Variants in PPM1E observed in about 807,000 individuals in gnomAD.
PPM1E encodes the protein protein phosphatase, Mg2+/Mn2+ dependent 1E, also known as protein phosphatase 1E.
In PPM1E, 20 loss-of-function variants were observed where a neutral mutation model predicts 65.9. The ratio of observed to expected loss-of-function variants is 0.30; its 90% CI spans 0.21 to 0.44. The LOEUF (loss-of-function observed/expected upper bound fraction) is 0.44. Ranked by LOEUF, PPM1E falls within the 20% of genes least tolerant of loss-of-function variation. PPM1E has a pLI of 1.00. For missense variants in PPM1E, 713 were observed against 953.1 expected (o/e 0.75, Z 3.32); for synonymous variants, 352 against 374.9 (o/e 0.94, Z 0.70).
At chr17:58,891,123 C>T (rs192625557) in intron 1 of PPM1E, among the ~76,000 whole-genome samples, 5 of 152,056 alleles carry the variant, frequency 3.3e-5, no homozygotes, top group South Asian at 2.1e-4. Context: ...TGTACCACCA[C>T]GCCCAGCTAA....
At chr17:58,805,049 C>G (rs1437506472) in intron 1 of PPM1E, among the ~76,000 whole-genome samples, 1 of 152,120 alleles carries the variant, frequency 6.6e-6, no homozygotes, top group African/African-American at 2.4e-5. Flanking sequence ...CCTGCCCAGC[C>G]TCTGGTATCT....
At chr17:58,805,979 AAAAAACAAAACAAAACAAAAC>A (rs1567838879) in intron 1 of PPM1E, among the ~76,000 whole-genome samples, 43 of 110,074 alleles carry the variant, frequency 3.9e-4, no homozygotes, top group African/African-American at 7.4e-4. Flanking sequence ...AAAAACAAAA[AAAAAACAAAACAAAACAAAAC>A]AAAAAAAAAA....
At chr17:58,801,722 T>G (rs1464298763) in intron 1 of PPM1E, among the ~76,000 whole-genome samples, 1 of 151,968 alleles carries the variant, frequency 6.6e-6, no homozygotes, top group Admixed American at 6.6e-5. Flanking sequence ...ATTACAGGTT[T>G]GAGCCACCAC....
chr17:58,796,510 TCTA>T (rs549128529), intron 1 of PPM1E, among the ~76,000 whole-genome samples: 118 of 152,354 alleles, frequency 7.7e-4, no homozygotes, highest in African/African-American at 2.6e-3. Flanking sequence ...GCTCAAGTGA[TCTA>T]CTTGCCTTGG....
intron 1 of PPM1E, among the ~76,000 whole-genome samples, chr17:58,915,424 G>A (rs143511568): frequency 1.3e-5 from 2 of 152,238 alleles, no homozygotes; most frequent in Non-Finnish European, 2.9e-5. Flanking sequence ...TCTTTACTGC[G>A]TCCTGTTTTA....
intron 1 of PPM1E, among the ~76,000 whole-genome samples, chr17:58,906,608 G>A (rs2051560964): frequency 6.6e-6 from 1 of 152,096 alleles, no homozygotes. Context: ...AAAGTGCTGG[G>A]ATTACAGGTA....
At chr17:58,906,081 A>T (rs902966411) in intron 1 of PPM1E, among the ~76,000 whole-genome samples, 4 of 152,190 alleles carry the variant, frequency 2.6e-5, no homozygotes, top group African/African-American at 7.2e-5. Context: ...CTAAGTTATC[A>T]AATTTGTATC....
chr17:58,922,747 C>T lies in PPM1E; in HGVS notation c.465-32902C>T, dbSNP rs548737786. ...TTGCCCAGGCTGGAGTGCAGTGGTG[C>T]GATCTCGGCTCACTGCAACCTCTGC... On this transcript the variant is annotated intron_variant, in intron 1 of 6. Coordinates refer to ENST00000308249, the MANE Select transcript of PPM1E (RefSeq NM_014906.5). 5.5e-5 allele frequency among the ~76,000 whole-genome samples: 8 copies of T among 146,240 alleles called. 1 individual carries two copies. In the South Asian group the frequency reaches 6.5e-4, roughly 12 times the overall value.
chr17:58,776,380 A>G (rs1040671043), intron 1 of PPM1E, among the ~76,000 whole-genome samples: 10 of 152,226 alleles, frequency 6.6e-5, no homozygotes, highest in Admixed American at 3.9e-4. Flanking sequence ...AGTAATTTTA[A>G]TTTTCAGAAG....
chr17:58,912,264 G>T (rs567939843), intron 1 of PPM1E, among the ~76,000 whole-genome samples: 309 of 152,124 alleles, frequency 2.0e-3, no homozygotes, highest in Admixed American at 3.9e-3. Flanking sequence ...AAGAAGTGAG[G>T]CCTCCAAACC....
chr17:58,966,418 TAAAAAA>T (rs55779609), intron 3 of PPM1E: 41 of 122,410 alleles, frequency 3.3e-4, no homozygotes, highest in South Asian at 5.8e-4. Flanking sequence ...AGCAGTTTTG[TAAAAAA>T]AAAAAAAAAA....
At chr17:58,946,179 C>G (rs1480592967) in intron 1 of PPM1E, among the ~76,000 whole-genome samples, 1 of 151,976 alleles carries the variant, frequency 6.6e-6, no homozygotes. Context: ...TTTAGAAGCT[C>G]TATGTCAGAA....
chr17:58,962,849 G>A (rs889343872), intron 2 of PPM1E, among the ~76,000 whole-genome samples: 2 of 152,126 alleles, frequency 1.3e-5, no homozygotes, highest in Non-Finnish European at 2.9e-5. Context: ...GGAGGCTGAG[G>A]TGGGAGGATC....
chr17:58,784,758 C>T (rs553422702), intron 1 of PPM1E, among the ~76,000 whole-genome samples: 27 of 151,258 alleles, frequency 1.8e-4, no homozygotes, highest in Non-Finnish European at 3.5e-4. Context: ...CTCCTGACCT[C>T]GTGATCCGCC....
intron 1 of PPM1E, among the ~76,000 whole-genome samples, chr17:58,820,852 T>C (rs1171864088): frequency 6.6e-6 from 1 of 152,078 alleles, no homozygotes; most frequent in Non-Finnish European, 1.5e-5. Flanking sequence ...ATAGTAGCAA[T>C]GGTCCTACTA....
intron 1 of PPM1E, among the ~76,000 whole-genome samples, chr17:58,801,742 C>T (rs1276365513): frequency 2.7e-5 from 4 of 150,842 alleles, no homozygotes; most frequent in Admixed American, 1.3e-4. Flanking sequence ...CGCTCGGCTC[C>T]CCTTCAGTTT....
rs887152716 is a variant in PPM1E at position 58,981,784 on chromosome 17, G to A, written c.*753G>A. ...AAATTTTTATTATTTAGCATTTTAGGAGACCGCTGTCAACTGGTTTTAATC... is the reference window on the plus strand; with the variant it reads ...AAATTTTTATTATTTAGCATTTTAGAAGACCGCTGTCAACTGGTTTTAATC... On this transcript the variant is annotated 3_prime_UTR_variant, in exon 7 of 7. Transcript: ENST00000308249. 2.0e-5 allele frequency: 3 copies of A among 152,398 alleles called. No individual in the cohort carries two copies. Among genetic ancestry groups the A allele is most frequent in the Non-Finnish European group, 4.4e-5 (3 of 68,016 alleles). The allele number at this position is 152,398 out of a possible 1,614,324, so 9.4% of individuals were successfully genotyped here.
chr17:58,786,729 G>A (rs979982602), intron 1 of PPM1E, among the ~76,000 whole-genome samples: 1 of 152,130 alleles, frequency 6.6e-6, no homozygotes, highest in Non-Finnish European at 1.5e-5. Flanking sequence ...CTACTGTAAT[G>A]CATAATTCTG....
chr17:58,888,832 G>A (rs1410899328), intron 1 of PPM1E, among the ~76,000 whole-genome samples: 1 of 152,134 alleles, frequency 6.6e-6, no homozygotes, highest in Non-Finnish European at 1.5e-5. Context: ...TTAATTATTA[G>A]ATAGTTGAAT....
Sources: gnomAD v4.1 joint callset for allele counts (sites outside exome capture counted in the v4.1 genomes callset) on GRCh38, gnomAD v4.1.1 for gene constraint, MANE v1.5 for transcripts, NCBI Gene and HGNC (gene_info 2026-07-23, HGNC 2026-07-21) for gene names.